The following GSK3B variants were observed in gnomAD, a reference collection of about 807,000 sequenced individuals.
GSK3B encodes glycogen synthase kinase-3 beta.
GSK3B carries 15 observed loss-of-function variants against 56.4 expected under a neutral mutation model. The ratio of observed to expected loss-of-function variants is 0.27; its 90% confidence interval spans 0.18 to 0.41. The LOEUF is 0.41. Among genes scored for constraint, GSK3B ranks in the 10% least tolerant of loss-of-function variants. The pLI, the probability that GSK3B is intolerant of heterozygous loss-of-function variation, is 1.00. For synonymous variants in GSK3B, 181 were observed against 188.9 expected (o/e 0.96, Z 0.34); for missense variants, 300 against 513.4 (o/e 0.58, Z 4.02).
At chr3:119,997,263 T>G (rs950024777) in intron 2 of GSK3B, among the ~76,000 whole-genome samples, 1 of 152,168 alleles carries the variant, frequency 6.6e-6, no homozygotes, top group African/African-American at 2.4e-5. Context: ...GAGGAGGCAG[T>G]GTTCAAATGC....
chr3:120,081,002 C>G (rs1179305687), intron 1 of GSK3B, among the ~76,000 whole-genome samples: 1 of 152,126 alleles, frequency 6.6e-6, no homozygotes, highest in African/African-American at 2.4e-5. Context: ...TCAGGTTTCA[C>G]TGTTATAAAT....
intron 9 of GSK3B, among the ~76,000 whole-genome samples, chr3:119,863,057 C>T (rs927291322): frequency 1.3e-5 from 2 of 152,156 alleles, no homozygotes; most frequent in African/African-American, 4.8e-5. Context: ...TTGATACAAA[C>T]TCTTTGGAAG....
intron 7 of GSK3B, among the ~76,000 whole-genome samples, chr3:119,893,838 C>T (rs1432365503): frequency 6.6e-6 from 1 of 150,670 alleles, no homozygotes; most frequent in Non-Finnish European, 1.5e-5. Context: ...ATGACAAAGA[C>T]ATTCTTTTAC....
intron 1 of GSK3B, among the ~76,000 whole-genome samples, chr3:120,057,379 A>G (rs979199806): frequency 8.5e-5 from 13 of 152,204 alleles, no homozygotes. Context: ...TTTAAAGTAT[A>G]CATACTCTTC....
chr3:119,821,439 GACATA>G lies in GSK3B; in HGVS notation c.*5344_*5348del, dbSNP rs1430019727. The G allele has an allele frequency of 3.9e-5, 6 of 152,158 alleles. No homozygotes were observed. The highest frequency in any genetic ancestry group is 1.2e-4 in the African/African-American group (5 of 41,426). The allele number at this position is 152,158 out of a possible 1,614,324, so 9.4% of individuals were successfully genotyped here. On this transcript the variant is annotated 3_prime_UTR_variant, in exon 11 of 11. Coordinates refer to ENST00000264235, the MANE Select transcript of GSK3B (RefSeq NM_001146156.2). The stretch of plus-strand genomic sequence containing the variant: ...AATGATGTTTCTTTTTGCACTAAGA[GACATA>G]ACATGTTTACATACATCATCCAGTA...
At chr3:120,021,539 T>C (rs1388356229) in intron 1 of GSK3B, among the ~76,000 whole-genome samples, 2 of 151,250 alleles carry the variant, frequency 1.3e-5, no homozygotes, top group African/African-American at 4.9e-5. Context: ...AGAATATTCA[T>C]GATTCATAGG....
chr3:119,873,559 A>C (rs1269348914), intron 8 of GSK3B, among the ~76,000 whole-genome samples: 1 of 152,104 alleles, frequency 6.6e-6, no homozygotes, highest in Admixed American at 6.6e-5. Context: ...AAATGACTCA[A>C]TTGGCTGCTT....
intron 9 of GSK3B, among the ~76,000 whole-genome samples, chr3:119,852,563 G>A (rs1334990121): frequency 6.6e-6 from 1 of 152,030 alleles, no homozygotes; most frequent in Admixed American, 6.5e-5. Flanking sequence ...GGCCAGGCTG[G>A]TCTCGAACTC....
At chr3:120,027,242 T>G (rs2057935962) in intron 1 of GSK3B, among the ~76,000 whole-genome samples, 1 of 151,024 alleles carries the variant, frequency 6.6e-6, no homozygotes, top group South Asian at 2.1e-4. Flanking sequence ...CCAGGTGTGG[T>G]GGTGCGTGCC....
At chr3:119,868,995 C>T (rs993854307) in intron 8 of GSK3B, among the ~76,000 whole-genome samples, 1 of 152,020 alleles carries the variant, frequency 6.6e-6, no homozygotes, top group Admixed American at 6.6e-5. Flanking sequence ...ATATGTAGCA[C>T]ATAATTCAAT....
At chr3:119,934,038 A>G (rs1348007263) in intron 3 of GSK3B, among the ~76,000 whole-genome samples, 1 of 152,240 alleles carries the variant, frequency 6.6e-6, no homozygotes, top group Admixed American at 6.5e-5. Flanking sequence ...AGATTAATAC[A>G]TGGGGGAAAA....
chr3:120,027,099 G>C (rs964779352), intron 1 of GSK3B, among the ~76,000 whole-genome samples: 2 of 150,722 alleles, frequency 1.3e-5, no homozygotes, highest in African/African-American at 4.9e-5. Flanking sequence ...GAACGGCCAG[G>C]CACGGTGGCT....
rs150893077 is a variant in GSK3B, at chr3:120,051,603, C to T, written c.88+41744G>A. Among the ~76,000 whole-genome samples, 1,448 of 152,004 alleles carry T rather than the reference C, an allele frequency of 9.5e-3. 15 individuals are homozygous for T. The highest frequency in any genetic ancestry group is 0.031 in the South Asian group (151 of 4,814). ...CCAACATGGCAAAACCCCATCTCTACGAAAAATACAAAAATTAGCCAGGTG... is the reference window on the plus strand; with the variant it reads ...CCAACATGGCAAAACCCCATCTCTATGAAAAATACAAAAATTAGCCAGGTG... On this transcript the variant is annotated intron_variant, in intron 1 of 10. Transcript: ENST00000264235.
At chr3:119,880,094 C>T (rs919720951) in intron 7 of GSK3B, among the ~76,000 whole-genome samples, 3 of 152,092 alleles carry the variant, frequency 2.0e-5, no homozygotes, top group Non-Finnish European at 2.9e-5. Flanking sequence ...AGCAACATAA[C>T]AAGGATTCTG....
Position 120,002,123 on chromosome 3 carries a change from C to A in GSK3B, c.205G>T (p.Val69Leu). ...TKVIGNGSFG[V>L]VYQAKLCDSG... The stretch of plus-strand genomic sequence containing the variant: ...TCACAAAGTTTGGCTTGATATACCA[C>A]ACCAAATGATCCATTTCCAATCACT... The change falls in exon 2 of 11, where the codon GTG becomes TTG. Residue 69 changes from valine to leucine, a missense_variant. Val to Leu is a conservative substitution (Grantham distance 32, BLOSUM62 1). Transcript: ENST00000264235. 4 of 1,612,196 alleles carry A rather than the reference C, an allele frequency of 2.5e-6. No homozygotes were observed. Among genetic ancestry groups the A allele is most frequent in the Non-Finnish European group, 3.4e-6 (4 of 1,178,954 alleles).
At chr3:119,998,614 AG>A (rs1342147886) in intron 2 of GSK3B, among the ~76,000 whole-genome samples, 1 of 152,208 alleles carries the variant, frequency 6.6e-6, no homozygotes, top group Non-Finnish European at 1.5e-5. Context: ...ACACTCTAAA[AG>A]GGGTAAAAAG....
chr3:119,964,246 C>G (rs1226902988), intron 2 of GSK3B, among the ~76,000 whole-genome samples: 1 of 152,100 alleles, frequency 6.6e-6, no homozygotes, highest in African/African-American at 2.4e-5. Context: ...GCAAAAAGAC[C>G]ATATGATCCA....
chr3:120,001,654 A>C (rs536701487), intron 2 of GSK3B, among the ~76,000 whole-genome samples: 1 of 152,180 alleles, frequency 6.6e-6, no homozygotes. Context: ...GATTAAAAAA[A>C]TTTTTTGAAA....
At chr3:119,839,902 G>A (rs1577307141) in intron 10 of GSK3B, among the ~76,000 whole-genome samples, 1 of 152,070 alleles carries the variant, frequency 6.6e-6, no homozygotes, top group African/African-American at 2.4e-5. Context: ...ATATTACTGT[G>A]GTGATGTAGC....
Sources: gnomAD v4.1 joint callset for allele counts (sites outside exome capture counted in the v4.1 genomes callset) on GRCh38, gnomAD v4.1.1 for gene constraint, MANE v1.5 for transcripts, NCBI Gene and HGNC (gene_info 2026-07-23, HGNC 2026-07-21) for gene names.